Variants in ABCA4 observed in about 807,000 individuals in gnomAD.
ABCA4 encodes ATP binding cassette subfamily A member 4.
ABCA4 carries 196 observed loss-of-function variants against 263.7 expected under a neutral mutation model. That is an observed-to-expected ratio of 0.74 (90% confidence interval 0.66 to 0.84). The LOEUF is 0.84. ABCA4 is among the 40% of genes least tolerant of loss of function. The probability of loss-of-function intolerance (pLI) is 0.00; values close to 1 mark genes in which losing one functional copy is unlikely to be tolerated. For missense variants in ABCA4, 2,792 were observed against 2,855.1 expected, an observed-to-expected ratio of 0.98 and a Z score of 0.50; for synonymous variants, 1,133 against 1,094.2, an observed-to-expected ratio of 1.04 and a Z score of -0.70.
At position 94,037,200 on chromosome 1, in the gene ABCA4, G is replaced by A. The variant is rs61752424; in HGVS notation, c.3758C>T (p.Thr1253Met). 2.4e-4 allele frequency: 392 copies of A among 1,614,066 alleles called. 3 individuals are homozygous for A. Among genetic ancestry groups the A allele is most frequent in the South Asian group, 8.8e-5 (8 of 91,086 alleles). ...ACTGCTGAGACCAAGGTCAGCCAGC[G>A]TCTCCTCCAGCTCTCTGAAAAGGCT... Reference protein sequence around the residue: ...YASLFRELEETLADLGLSSFG... With the variant: ...YASLFRELEEMLADLGLSSFG... The change falls in exon 25 of 50, where the codon ACG (threonine) becomes ATG (methionine). Residue 1253 changes from threonine to methionine, a missense_variant. Coordinates refer to ENST00000370225, the MANE Select transcript of ABCA4 (RefSeq NM_000350.3).
Position 94,044,608 on chromosome 1 carries a change from C to T in ABCA4, c.3050+5G>A, listed in dbSNP as rs61751262. ...TGGGGCGGTCTCAGTTCCTGTGTCGCTTACTGGTGGAACAGGATGTTGTGC... is the reference window on the plus strand; with the variant it reads ...TGGGGCGGTCTCAGTTCCTGTGTCGTTTACTGGTGGAACAGGATGTTGTGC... On this transcript the variant is annotated splice_donor_5th_base_variant and intron_variant, in intron 20 of 49. Transcript: ENST00000370225. 17 of 1,614,184 alleles carry T rather than the reference C, an allele frequency of 1.1e-5. No homozygotes were observed. Among genetic ancestry groups the T allele is most frequent in the Admixed American group, 1.7e-5 (1 of 60,026 alleles).
chr1:94,079,937 A>C (rs944375685), intron 8 of ABCA4, among the ~76,000 whole-genome samples: 3 of 151,780 alleles, frequency 2.0e-5, no homozygotes, highest in African/African-American at 4.8e-5. Flanking sequence ...TTTTAACTAG[A>C]GGGGCAGCCA....
At chr1:94,111,330 G>A (rs1003596009) in intron 3 of ABCA4, 108 bp downstream of exon 3, 2 of 1,459,406 alleles carry the variant, frequency 1.4e-6, no homozygotes, top group Admixed American at 1.9e-5. Context: ...GCTCAGCAAA[G>A]CCACAAGAAC....
chr1:93,999,805 A>G (rs1659126955), intron 47 of ABCA4, among the ~76,000 whole-genome samples: 1 of 152,214 alleles, frequency 6.6e-6, no homozygotes, highest in Non-Finnish European at 1.5e-5. Flanking sequence ...GGAGATATTA[A>G]GGAGCTGGAG....
At chr1:94,007,785 G>C (rs773339084) in intron 42 of ABCA4, 45 bp from the exon 43 acceptor site, 1 of 1,551,440 alleles carries the variant, frequency 6.4e-7, no homozygotes, top group Non-Finnish European at 8.9e-7. Context: ...GATCAAGAAG[G>C]TCTAAAATGT....
At chr1:94,114,987 G>A (rs998965756) in intron 1 of ABCA4, among the ~76,000 whole-genome samples, 2 of 152,226 alleles carry the variant, frequency 1.3e-5, no homozygotes, top group African/African-American at 4.8e-5. Flanking sequence ...CCTTTGTCAA[G>A]ACTGGTCTAG....
At chr1:93,995,984 G>GGT (rs1658988762) in intron 49 of ABCA4, 125 bp downstream of exon 49, 12 of 781,832 alleles carry the variant, frequency 1.5e-5, no homozygotes, top group Non-Finnish European at 2.4e-5. Context: ...TAGGGACCGT[G>GGT]GTGTGGGTGG....
chr1:94,077,590 GA>G, intron 11 of ABCA4, 99 bp downstream of exon 11: 1 of 1,152,646 alleles, frequency 8.7e-7, no homozygotes, highest in Non-Finnish European at 1.2e-6. Flanking sequence ...TGGGGAAAAT[GA>G]AAGCTTAAAT....
chr1:94,072,722 G>T (rs1251772709), intron 11 of ABCA4, among the ~76,000 whole-genome samples: 1 of 152,162 alleles, frequency 6.6e-6, no homozygotes, highest in Non-Finnish European at 1.5e-5. Flanking sequence ...TGATTGGAAG[G>T]CCCATGGGAA....
intron 26 of ABCA4, among the ~76,000 whole-genome samples, chr1:94,035,064 G>A (rs1489804313): frequency 2.0e-5 from 3 of 152,172 alleles, no homozygotes; most frequent in African/African-American, 7.2e-5. Context: ...CCTCACTCCA[G>A]AGGCTACACT....
chr1:94,073,014 G>T (rs1397455564), intron 11 of ABCA4, among the ~76,000 whole-genome samples: 4 of 152,148 alleles, frequency 2.6e-5, no homozygotes, highest in African/African-American at 9.7e-5. Context: ...AGAACCCCCA[G>T]GCAGGCCTTC....
intron 6 of ABCA4, among the ~76,000 whole-genome samples, chr1:94,089,641 T>C (rs1425989845): frequency 1.3e-5 from 2 of 152,062 alleles, no homozygotes; most frequent in East Asian, 3.9e-4. Flanking sequence ...TTGTATTTTT[T>C]AGTAGAGACA....
intron 11 of ABCA4, among the ~76,000 whole-genome samples, chr1:94,072,542 TAAG>T (rs1252140781): frequency 6.6e-6 from 1 of 152,166 alleles, no homozygotes; most frequent in South Asian, 2.1e-4. Context: ...TGAAGGGCAA[TAAG>T]AAGAATAATG....
chr1:94,043,475 G>C lies in ABCA4; in HGVS notation c.3051C>G (p.His1017Gln). 1.2e-6 allele frequency: 2 copies of C among 1,614,128 alleles called. No individual in the cohort carries two copies. The highest frequency in any genetic ancestry group is 1.7e-6 in the Non-Finnish European group (2 of 1,180,022). Reference sequence around the variant, plus strand: ...ACAGCATGTGCTCAGCCACCGTGAGGCTAGGAGGATGGGACAACGAGAAAA... The same window carrying C: ...ACAGCATGTGCTCAGCCACCGTGAGCCTAGGAGGATGGGACAACGAGAAAA... ...MCPQHNILFH[H>Q]LTVAEHMLFY... Residue 1017 changes from histidine to glutamine, a missense_variant and splice_region_variant, in exon 21 of 50, where the codon CAC (histidine) becomes CAG (glutamine). Physicochemically the swap from His to Gln is conservative, Grantham distance 24. Transcript: ENST00000370225.
rs150471637 is a variant in ABCA4 at position 94,028,684 on chromosome 1, A to G, written c.4539+761T>C. Reference sequence around the variant, plus strand: ...CACTCTGGTAGGCAGAAGTGGGTAGATCACTTGAGGCCAGGAGTTCAACAC... The same window carrying G: ...CACTCTGGTAGGCAGAAGTGGGTAGGTCACTTGAGGCCAGGAGTTCAACAC... On this transcript the variant is annotated intron_variant, in intron 30 of 49. Transcript: ENST00000370225. Among the ~76,000 whole-genome samples the G allele has an allele frequency of 2.7e-3, 411 of 152,186 alleles. 2 individuals carry two copies. The highest frequency in any genetic ancestry group is 9.5e-3 in the African/African-American group (394 of 41,528).
At chr1:94,077,910 A>G in intron 10 of ABCA4, 23 bp from the exon 11 acceptor site, 1 of 1,600,882 alleles carries the variant, frequency 6.2e-7, no homozygotes, top group Non-Finnish European at 8.6e-7. Flanking sequence ...AAATACAGTC[A>G]CTGCTCTGCT....
chr1:94,094,256 G>A (rs908891152), intron 6 of ABCA4, among the ~76,000 whole-genome samples: 5 of 152,164 alleles, frequency 3.3e-5, no homozygotes, highest in Non-Finnish European at 7.3e-5. Flanking sequence ...CTCTCACTGG[G>A]TAGGGGGCGG....
At chr1:94,090,584 T>G (rs1661943958) in intron 6 of ABCA4, among the ~76,000 whole-genome samples, 1 of 152,174 alleles carries the variant, frequency 6.6e-6, no homozygotes, top group Non-Finnish European at 1.5e-5. Context: ...TCTTCCAGCT[T>G]TCCTTCCCTA....
chr1:94,073,225 C>T (rs961020139), intron 11 of ABCA4, among the ~76,000 whole-genome samples: 7 of 152,326 alleles, frequency 4.6e-5, no homozygotes, highest in East Asian at 1.9e-4. Context: ...ATTTCCTCCC[C>T]GCTATCTTCT....
Sources: gnomAD v4.1 joint callset for allele counts (sites outside exome capture counted in the v4.1 genomes callset) on GRCh38, gnomAD v4.1.1 for gene constraint, MANE v1.5 for transcripts, NCBI Gene and HGNC (gene_info 2026-07-23, HGNC 2026-07-21) for gene names.